The following EVC2 variants were observed in gnomAD, a reference collection of about 807,000 sequenced individuals.
The protein encoded by EVC2 is EvC ciliary complex subunit 2.
In EVC2, 148 loss-of-function variants were observed where a neutral mutation model predicts 149.3. The ratio of observed to expected loss-of-function variants is 0.99; its 90% confidence interval spans 0.87 to 1.14. EVC2 has a LOEUF of 1.14. Among genes scored for constraint, EVC2 ranks in the 50% most tolerant of loss-of-function variants. The pLI is 0.00. For missense variants in EVC2, 1,854 were observed against 1,627.3 expected, an observed-to-expected ratio of 1.14 and a Z score of -2.40; for synonymous variants, 776 against 649.9, an observed-to-expected ratio of 1.19 and a Z score of -2.95.
At chr4:5,632,926 A>C (rs1412071000) in intron 10 of EVC2, among the ~76,000 whole-genome samples, 1 of 152,112 alleles carries the variant, frequency 6.6e-6, no homozygotes, top group African/African-American at 2.4e-5. Context: ...CCTCCCCTTG[A>C]GCATGGGAAT....
chr4:5,595,459 C>A (rs535882312), intron 16 of EVC2, among the ~76,000 whole-genome samples: 6,231 of 152,016 alleles, frequency 0.041, 344 homozygotes, highest in African/African-American at 0.13. Context: ...TTTCATATCC[C>A]GCCAAACTAA....
In EVC2 at chr4:5,581,014, C is replaced by T. The variant is rs1022755209; in HGVS notation, c.3057+3609G>A. Among the ~76,000 whole-genome samples, 184 of 152,186 alleles carry T rather than the reference C, an allele frequency of 1.2e-3. 1 individual carries two copies. Among genetic ancestry groups the T allele is most frequent in the Non-Finnish European group, 1.3e-3 (89 of 68,032 alleles). On this transcript the variant is annotated intron_variant, in intron 17 of 21. Transcript: ENST00000344408. ...TTTGCTCCAGCCAAGTAAGATGTGC[C>T]TCTTTTCCCTCTGCCTTCTGCCATA...
chr4:5,705,753 G>C (rs183681417), intron 1 of EVC2, among the ~76,000 whole-genome samples: 2 of 151,996 alleles, frequency 1.3e-5, no homozygotes, highest in Non-Finnish European at 1.5e-5. Flanking sequence ...GTGAGAAAAT[G>C]AGTAGAAAAA....
intron 9 of EVC2, among the ~76,000 whole-genome samples, chr4:5,658,790 C>T (rs554315243): frequency 2.6e-5 from 4 of 152,314 alleles, no homozygotes; most frequent in Admixed American, 6.5e-5. Context: ...TGGTCTAAAA[C>T]GAGAGAGTTG....
At chr4:5,534,114 C>A in the EVC2 span, among the ~76,000 whole-genome samples, 1 of 147,152 alleles carries the variant, frequency 6.8e-6, no homozygotes, top group African/African-American at 2.5e-5. Flanking sequence ...TAAAAAAGAT[C>A]AGCCTGGCTG....
intron 9 of EVC2, among the ~76,000 whole-genome samples, chr4:5,649,458 T>TAGCTAC (rs1717958378): frequency 6.6e-6 from 1 of 152,236 alleles, no homozygotes; most frequent in Admixed American, 6.5e-5. Context: ...ATATTTTGAT[T>TAGCTAC]AGCTACTAAT....
chr4:5,540,359 T>C (rs1157540229), downstream of EVC2, among the ~76,000 whole-genome samples: 1 of 152,230 alleles, frequency 6.6e-6, no homozygotes, highest in East Asian at 1.9e-4. Flanking sequence ...AAGTTTATGT[T>C]CACACAAATA....
At chr4:5,632,348 A>C (rs1027493364) in intron 10 of EVC2, among the ~76,000 whole-genome samples, 1 of 152,184 alleles carries the variant, frequency 6.6e-6, no homozygotes, top group African/African-American at 2.4e-5. Flanking sequence ...ACACACAGCA[A>C]AAACAAGGCA....
At chr4:5,692,768 GA>G (rs1046132412) in intron 3 of EVC2, among the ~76,000 whole-genome samples, 6 of 150,380 alleles carry the variant, frequency 4.0e-5, no homozygotes, top group Non-Finnish European at 7.4e-5. Context: ...TCGGGAGGCT[GA>G]GGCAGGAGAA....
intron 9 of EVC2, among the ~76,000 whole-genome samples, chr4:5,647,600 T>C (rs780376047): frequency 6.6e-6 from 1 of 152,142 alleles, no homozygotes; most frequent in Non-Finnish European, 1.5e-5. Context: ...AAATGTCAAA[T>C]GAACTAAACA....
chr4:5,648,937 A>G (rs1447045599), intron 9 of EVC2, among the ~76,000 whole-genome samples: 1 of 152,228 alleles, frequency 6.6e-6, no homozygotes, highest in Non-Finnish European at 1.5e-5. Flanking sequence ...GAAAACAAAT[A>G]CTAAGAATTC....
downstream of EVC2, among the ~76,000 whole-genome samples, chr4:5,560,742 A>G (rs778601091): frequency 2.0e-5 from 3 of 152,250 alleles, no homozygotes; most frequent in Non-Finnish European, 4.4e-5. The surrounding 1 kb of genome is among the most constrained non-coding windows in gnomAD (Gnocchi z 4.1). Context: ...TACAGACATA[A>G]TATCTAGTAT....
At chr4:5,600,754 T>C (rs535353674) in intron 16 of EVC2, among the ~76,000 whole-genome samples, 89 of 152,224 alleles carry the variant, frequency 5.8e-4, no homozygotes, top group African/African-American at 2.0e-3. Flanking sequence ...AGGTAAAAGA[T>C]GGAGCTAAAA....
At chr4:5,598,244 A>G (rs1713636667) in intron 16 of EVC2, among the ~76,000 whole-genome samples, 1 of 152,104 alleles carries the variant, frequency 6.6e-6, no homozygotes, top group Admixed American at 6.6e-5. Context: ...GAACCAAAAA[A>G]GAGCCCGCAT....
In EVC2 at chr4:5,614,697, G is replaced by A. The variant is rs1037738992; in HGVS notation, c.2829+725C>T. The stretch of plus-strand genomic sequence containing the variant: ...AACATCACGTATGAAATGGGGCTGG[G>A]CCAGGCACAGTGCCTCACGCCTGTA... On this transcript the variant is annotated intron_variant, in intron 16 of 21. Coordinates refer to ENST00000344408, the MANE Select transcript of EVC2 (RefSeq NM_147127.5). The surrounding 1 kb of genome is among the most constrained non-coding windows in gnomAD (Gnocchi z 4.7). 6.6e-6 allele frequency among the ~76,000 whole-genome samples: 1 copy of A among 152,150 alleles called. No homozygotes were observed. Among genetic ancestry groups the A allele is most frequent in the African/African-American group, 2.4e-5 (1 of 41,424 alleles).
At chr4:5,552,102 T>A (rs1721749782) in intron 21 of EVC2, among the ~76,000 whole-genome samples, 1 of 152,220 alleles carries the variant, frequency 6.6e-6, no homozygotes, top group Admixed American at 6.5e-5. Context: ...TTTAGCTATT[T>A]CTTATGATTT....
At chr4:5,694,101 G>A (rs1721305334) in intron 3 of EVC2, among the ~76,000 whole-genome samples, 1 of 152,222 alleles carries the variant, frequency 6.6e-6, no homozygotes, top group Admixed American at 6.5e-5. Flanking sequence ...ACCAGATGAG[G>A]CAGCCTAATG....
rs62301482 is a variant in EVC2 at position 5,562,580 on chromosome 4, G to A, written c.*268C>T. On this transcript the variant is annotated 3_prime_UTR_variant, in exon 22 of 22. Transcript: ENST00000344408. The surrounding 1 kb of genome is among the most constrained non-coding windows in gnomAD (Gnocchi z 4.3). ...GCAGAGGATGGGGTGTGGATTGCAG[G>A]GTGGGGGTCTCCTCCAGGGCCCTGG... 5 of 1,355,846 alleles carry A rather than the reference G, an allele frequency of 3.7e-6. No individual in the cohort carries two copies. Among genetic ancestry groups the A allele is most frequent in the Non-Finnish European group, 4.8e-6 (5 of 1,051,378 alleles). 84.0% of individuals were successfully genotyped at this position (1,355,846 alleles called of 1,614,324 possible). A position where few individuals can be genotyped will look rare whatever the true frequency, so the allele number is the denominator to read the frequency against.
intron 16 of EVC2, among the ~76,000 whole-genome samples, chr4:5,608,785 G>C (rs764319480): frequency 6.6e-6 from 1 of 151,946 alleles, no homozygotes; most frequent in Non-Finnish European, 1.5e-5. Context: ...CACCCGCCTC[G>C]GCATCCCAAA....
Sources: allele counts gnomAD v4.1 joint callset (sites outside exome capture counted in the v4.1 genomes callset), GRCh38; gene constraint gnomAD v4.1.1; non-coding constraint Gnocchi (gnomAD v3.1); transcripts MANE v1.5; gene names NCBI Gene and HGNC (gene_info 2026-07-23, HGNC 2026-07-21).